The following PCSK5 variants were observed in gnomAD, a reference collection of about 807,000 sequenced individuals.
PCSK5 encodes proprotein convertase subtilisin/kexin type 5, also known as prohormone convertase 5.
PCSK5 carries 129 observed loss-of-function variants against 233.2 expected under a neutral mutation model. The ratio of observed to expected loss-of-function variants is 0.55; its 90% CI spans 0.48 to 0.64. The LOEUF (loss-of-function observed/expected upper bound fraction) is 0.64, where lower values mean the gene tolerates loss of function less well. Ranked by LOEUF, PCSK5 falls within the 30% of genes least tolerant of loss-of-function variation. The pLI, the probability that PCSK5 is intolerant of heterozygous loss-of-function variation, is 0.00. For missense variants in PCSK5, 2,076 were observed against 2,430.1 expected (o/e 0.85, Z 3.06); for synonymous variants, 825 against 879.2 (o/e 0.94, Z 1.09).
At chr9:76,010,590 T>G (rs1827688862) in intron 3 of PCSK5, among the ~76,000 whole-genome samples, 1 of 150,762 alleles carries the variant, frequency 6.6e-6, no homozygotes, top group Non-Finnish European at 1.5e-5. Flanking sequence ...GTAACTCCAA[T>G]TTAACATCTT....
At chr9:75,902,214 T>TTAAAAAAA (rs1554703242) in intron 1 of PCSK5, among the ~76,000 whole-genome samples, 3 of 53,294 alleles carry the variant, frequency 5.6e-5, no homozygotes, top group Admixed American at 2.2e-4. Flanking sequence ...AGACACCATC[T>TTAAAAAAA]AAAAAAAAAA....
Position 75,931,862 on chromosome 9 carries a change from A to G in PCSK5, c.193-517A>G, listed in dbSNP as rs549094751. On this transcript the variant is annotated intron_variant, in intron 1 of 37. Transcript: ENST00000674117. ...CAATAAATGCATAATCTATATATTT[A>G]TACTGTCTACAGAAGTCACAAACAA... Among the ~76,000 whole-genome samples, 20 of 152,082 alleles carry G rather than the reference A, an allele frequency of 1.3e-4. No homozygotes were observed. In the South Asian group the frequency reaches 3.9e-3, roughly 30 times the overall value.
chr9:75,920,157 C>CA (rs891237619), intron 1 of PCSK5, among the ~76,000 whole-genome samples: 5 of 151,716 alleles, frequency 3.3e-5, no homozygotes, highest in Admixed American at 6.6e-5. Flanking sequence ...GACTCCGTCT[C>CA]AAAAAAAAGA....
intron 21 of PCSK5, among the ~76,000 whole-genome samples, chr9:76,230,498 C>A (rs769291140): frequency 5.2e-4 from 79 of 152,290 alleles, no homozygotes; most frequent in Non-Finnish European, 9.0e-4. Context: ...ATTTCCCCCC[C>A]AAACCAATCT....
At chr9:76,016,196 G>A (rs942367782) in intron 3 of PCSK5, among the ~76,000 whole-genome samples, 1 of 152,248 alleles carries the variant, frequency 6.6e-6, no homozygotes, top group African/African-American at 2.4e-5. Context: ...GGGGGATGGA[G>A]AGGATATGTT....
chr9:76,118,858 A>G (rs1299796997), intron 9 of PCSK5, among the ~76,000 whole-genome samples: 1 of 152,024 alleles, frequency 6.6e-6, no homozygotes, highest in Admixed American at 6.6e-5. Flanking sequence ...GCTAGTTCCA[A>G]ATATTCTTAA....
In PCSK5 at chr9:76,189,186, G is replaced by A. The variant is rs1824246585; in HGVS notation, c.2473G>A (p.Asp825Asn). The change falls in exon 19 of 38, where the codon GAC (aspartate) becomes AAC (asparagine). Residue 825 changes from aspartate (D) to asparagine (N), a missense_variant. This residue lies in a region of PCSK5 where 1,510 missense variants were observed against 1,538.1 expected (regional missense o/e 0.98). Coordinates refer to ENST00000674117, the MANE Select transcript of PCSK5 (RefSeq NM_001372043.1). ...VQSCSISYYF[D>N]HSSENGYKSC... ...GAGCTGTAGTATCAGCTATTACTTTGACCACTCTTCAGAGAATGGATACAA... is the reference window on the plus strand; with the variant it reads ...GAGCTGTAGTATCAGCTATTACTTTAACCACTCTTCAGAGAATGGATACAA... 6.2e-7 allele frequency: 1 copy of A among 1,613,116 alleles called. No homozygotes were observed. Among genetic ancestry groups the A allele is most frequent in the African/African-American group, 1.3e-5 (1 of 75,018 alleles).
At chr9:75,947,933 C>G (rs934122692) in intron 2 of PCSK5, among the ~76,000 whole-genome samples, 6 of 152,132 alleles carry the variant, frequency 3.9e-5, no homozygotes, top group Admixed American at 1.3e-4. Flanking sequence ...CCTCAAACTC[C>G]TGGGCTCAAG....
chr9:76,189,686 T>C lies in PCSK5; in HGVS notation c.2566T>C (p.Cys856Arg). Residue 856 changes from cysteine (C) to arginine (R), a missense_variant, in exon 20 of 38, where the codon TGC becomes CGC. Cys to Arg is a radical substitution (Grantham distance 180). This residue lies in a region of PCSK5 where 1,510 missense variants were observed against 1,538.1 expected (regional missense o/e 0.98). Transcript: ENST00000674117. Reference sequence around the variant, plus strand: ...CCCAGGATTCAAGAACTGTACAAGCTGCCCTAGTGGGTATCTCTTAGACTT... The same window carrying C: ...CCCAGGATTCAAGAACTGTACAAGCCGCCCTAGTGGGTATCTCTTAGACTT... ...NGPGFKNCTS[C>R]PSGYLLDLGM... The C allele has an allele frequency of 3.1e-6, 5 of 1,613,400 alleles. No individual in the cohort carries two copies. Among genetic ancestry groups the C allele is most frequent in the Non-Finnish European group, 4.2e-6 (5 of 1,179,402 alleles).
At chr9:76,112,466 C>T (rs1304564006) in intron 9 of PCSK5, among the ~76,000 whole-genome samples, 2 of 152,142 alleles carry the variant, frequency 1.3e-5, no homozygotes, top group East Asian at 3.9e-4. Flanking sequence ...GCATATTGAA[C>T]ATTAGCTGCC....
At chr9:75,957,655 T>C (rs1297227916) in intron 2 of PCSK5, among the ~76,000 whole-genome samples, 4 of 152,190 alleles carry the variant, frequency 2.6e-5, no homozygotes, top group East Asian at 1.9e-4. Flanking sequence ...ATAGCTGGCT[T>C]GTTAGTATCT....
chr9:76,096,636 C>T (rs1457814097), intron 8 of PCSK5, among the ~76,000 whole-genome samples: 1 of 147,302 alleles, frequency 6.8e-6, no homozygotes, highest in Non-Finnish European at 1.5e-5. Context: ...TGAAGTCTAA[C>T]TGTTGCCCAG....
At chr9:76,257,663 CG>C (rs1228524893) in intron 24 of PCSK5, among the ~76,000 whole-genome samples, 1 of 152,148 alleles carries the variant, frequency 6.6e-6, no homozygotes, top group African/African-American at 2.4e-5. Context: ...CTAAACGCTG[CG>C]GCAAGCTGGA....
At chr9:76,022,713 C>T (rs1171397088) in intron 3 of PCSK5, among the ~76,000 whole-genome samples, 1 of 152,144 alleles carries the variant, frequency 6.6e-6, no homozygotes, top group African/African-American at 2.4e-5. Flanking sequence ...ATGTTGTAGC[C>T]ATTGCAGAAT....
At chr9:76,315,903 A>AT (rs1163232128) in intron 30 of PCSK5, among the ~76,000 whole-genome samples, 5 of 128,090 alleles carry the variant, frequency 3.9e-5, no homozygotes, top group African/African-American at 1.4e-4. Context: ...AAGTGCTAGG[A>AT]TTACAGGCAT....
At chr9:76,357,746 T>C (rs746703439) in intron 37 of PCSK5, among the ~76,000 whole-genome samples, 11 of 152,164 alleles carry the variant, frequency 7.2e-5, no homozygotes, top group Non-Finnish European at 1.5e-4. Flanking sequence ...TCTCTGACAA[T>C]GTGACAATTC....
intron 2 of PCSK5, among the ~76,000 whole-genome samples, chr9:75,950,339 A>G (rs553154467): frequency 6.6e-6 from 1 of 152,338 alleles, no homozygotes; most frequent in South Asian, 2.1e-4. Flanking sequence ...CCAAAAAGAC[A>G]TATTAACCAG....
intron 7 of PCSK5, among the ~76,000 whole-genome samples, chr9:76,079,983 T>C (rs1440500807): frequency 1.3e-5 from 2 of 152,248 alleles, no homozygotes; most frequent in African/African-American, 4.8e-5. Context: ...ATTTGCATGC[T>C]TGAACCAGCC....
chr9:75,903,821 G>A (rs1479208921), intron 1 of PCSK5, among the ~76,000 whole-genome samples: 1 of 151,212 alleles, frequency 6.6e-6, no homozygotes, highest in African/African-American at 2.4e-5. Context: ...GAGCAGGGAG[G>A]GGAGATCATC....
Sources: allele counts gnomAD v4.1 joint callset (sites outside exome capture counted in the v4.1 genomes callset), GRCh38; gene constraint gnomAD v4.1.1; regional missense constraint gnomAD v4.1.1; transcripts MANE v1.5; gene names NCBI Gene and HGNC (gene_info 2026-07-23, HGNC 2026-07-21).